Variants in KATNIP observed in about 807,000 individuals in gnomAD.
KATNIP encodes katanin-interacting protein.
In KATNIP, 126 loss-of-function variants were observed where a neutral mutation model predicts 174.0. That is an observed-to-expected ratio of 0.72 (90% confidence interval 0.63 to 0.84). The LOEUF (loss-of-function observed/expected upper bound fraction) is 0.84, where lower values mean the gene tolerates loss of function less well. KATNIP is among the 40% of genes least tolerant of loss of function. KATNIP has a pLI of 0.00. For synonymous variants in KATNIP, 810 were observed against 835.7 expected, an observed-to-expected ratio of 0.97 and a Z score of 0.53; for missense variants, 1,958 against 2,109.7, an observed-to-expected ratio of 0.93 and a Z score of 1.41.
intron 6 of KATNIP, among the ~76,000 whole-genome samples, chr16:27,669,699 T>A (rs897670914): frequency 1.3e-5 from 2 of 152,166 alleles, no homozygotes; most frequent in African/African-American, 4.8e-5. Flanking sequence ...GACAGATGGT[T>A]TAGATCACGT....
intron 5 of KATNIP, among the ~76,000 whole-genome samples, chr16:27,631,568 T>TG (rs985940633): frequency 1.4e-5 from 2 of 147,496 alleles, no homozygotes; most frequent in African/African-American, 5.0e-5. Context: ...AAACACCCTA[T>TG]GGGGAGTAGG....
Position 27,749,776 on chromosome 16 carries a change from C to T in KATNIP, c.2816C>T (p.Pro939Leu), listed in dbSNP as rs770147103. 1 of 1,610,038 alleles carries T rather than the reference C, an allele frequency of 6.2e-7. No homozygotes were observed. The highest frequency in any genetic ancestry group is 8.5e-7 in the Non-Finnish European group (1 of 1,177,622). ...AAGAGCAGCCGGCACAGCGACTTGCCCCCCTCCAAGAAGGGGGAGCAGCCA... is the reference window on the plus strand; with the variant it reads ...AAGAGCAGCCGGCACAGCGACTTGCTCCCCTCCAAGAAGGGGGAGCAGCCA... ...QQKSSRHSDL[P>L]PSKKGEQPGL... is the part of the protein sequence containing the mutation. Residue 939 changes from proline to leucine, a missense_variant, in exon 16 of 28, where the codon CCC becomes CTC. Physicochemically the swap from Pro to Leu is moderately conservative, Grantham distance 98 (BLOSUM62 -3). Around this residue, in one of 3 missense-constraint regions of KATNIP, gnomAD observed 1,557 missense variants for 1,617.8 expected, o/e 0.96. Coordinates refer to ENST00000261588, the MANE Select transcript of KATNIP (RefSeq NM_015202.5).
At chr16:27,675,431 T>C (rs2078079091) in intron 6 of KATNIP, among the ~76,000 whole-genome samples, 1 of 152,124 alleles carries the variant, frequency 6.6e-6, no homozygotes, top group Admixed American at 6.6e-5. Flanking sequence ...CATATCAAAA[T>C]TCCCATTTAA....
chr16:27,678,091 G>GGGTA (rs1379725682), intron 7 of KATNIP, 95 bp downstream of exon 7: 1 of 1,403,184 alleles, frequency 7.1e-7, no homozygotes, highest in Non-Finnish European at 9.8e-7. Context: ...GTTCCTCTTT[G>GGGTA]GGTAGAGTGT....
chr16:27,664,362 G>A (rs1391542777), intron 6 of KATNIP, among the ~76,000 whole-genome samples: 1 of 151,962 alleles, frequency 6.6e-6, no homozygotes, highest in African/African-American at 2.4e-5. Flanking sequence ...TCTCTTTTTG[G>A]TACAAAGTTC....
chr16:27,692,351 C>A (rs906871793), intron 8 of KATNIP, among the ~76,000 whole-genome samples: 2 of 152,146 alleles, frequency 1.3e-5, no homozygotes, highest in African/African-American at 2.4e-5. Context: ...TTCACAAATA[C>A]TTAGATTTAC....
At chr16:27,725,228 C>A (rs1393644599) in intron 14 of KATNIP, among the ~76,000 whole-genome samples, 2 of 152,222 alleles carry the variant, frequency 1.3e-5, no homozygotes, top group Non-Finnish European at 2.9e-5. Flanking sequence ...ACAAATGAAT[C>A]ATCTCAATTA....
In KATNIP at chr16:27,698,412, C is replaced by T. The variant is rs781017828; in HGVS notation, c.1025C>T (p.Ala342Val). 2.5e-6 allele frequency: 4 copies of T among 1,613,786 alleles called. No homozygotes were observed. Among genetic ancestry groups the T allele is most frequent in the African/African-American group, 1.3e-5 (1 of 75,072 alleles). The change falls in exon 9 of 28, where the codon GCT (alanine) becomes GTT (valine). Residue 342 changes from alanine to valine, a missense_variant. Coordinates refer to ENST00000261588, the MANE Select transcript of KATNIP (RefSeq NM_015202.5). ...EAEYPEEDASAVLQAIQVENA... is the reference protein window; with the variant it reads ...EAEYPEEDASVVLQAIQVENA... The stretch of plus-strand genomic sequence containing the variant: ...GAGTACCCAGAGGAAGATGCCTCTG[C>T]TGTGCTCCAAGCCATCCAGGTGGAG...
chr16:27,563,352 G>A (rs924515775), intron 1 of KATNIP, among the ~76,000 whole-genome samples: 1 of 152,108 alleles, frequency 6.6e-6, no homozygotes, highest in African/African-American at 2.4e-5. Context: ...TTGGGTCTAC[G>A]GAGCAGAAGA....
At chr16:27,622,290 G>T (rs542937893) in intron 3 of KATNIP, among the ~76,000 whole-genome samples, 3 of 152,276 alleles carry the variant, frequency 2.0e-5, no homozygotes, top group Admixed American at 6.5e-5. Flanking sequence ...GAAAGTGATT[G>T]TGTGCTCCAG....
chr16:27,550,195 C>T lies in KATNIP; in HGVS notation c.7+18C>T, dbSNP rs779636812. Reference sequence around the variant, plus strand: ...GATGGACGGTGAGTGTCTGTGGGCCCCTCCGGGAGGTCGGGCTGTTATTCT... The same window carrying T: ...GATGGACGGTGAGTGTCTGTGGGCCTCTCCGGGAGGTCGGGCTGTTATTCT... On this transcript the variant is annotated intron_variant, in intron 1 of 27. Coordinates refer to ENST00000261588, the MANE Select transcript of KATNIP (RefSeq NM_015202.5). The T allele has an allele frequency of 1.9e-6, 3 of 1,607,248 alleles. No individual in the cohort carries two copies. The highest frequency in any genetic ancestry group is 2.2e-5 in the South Asian group (2 of 90,850).
intron 6 of KATNIP, among the ~76,000 whole-genome samples, chr16:27,677,201 G>T (rs1211280878): frequency 6.6e-6 from 1 of 152,198 alleles, no homozygotes; most frequent in Non-Finnish European, 1.5e-5. Flanking sequence ...CCTGCAATAT[G>T]CAGGTCAGCC....
At chr16:27,655,889 T>A (rs566803008) in intron 6 of KATNIP, among the ~76,000 whole-genome samples, 1 of 152,292 alleles carries the variant, frequency 6.6e-6, no homozygotes, top group Non-Finnish European at 1.5e-5. Flanking sequence ...CAGTCTGTTG[T>A]GAATATTATT....
At chr16:27,600,787 T>G (rs996739016) in intron 2 of KATNIP, among the ~76,000 whole-genome samples, 33 of 151,246 alleles carry the variant, frequency 2.2e-4, no homozygotes, top group African/African-American at 8.0e-4. Context: ...AGGAGTGCAG[T>G]GGCGCAATCT....
chr16:27,757,774 C>T (rs558361540), intron 18 of KATNIP, among the ~76,000 whole-genome samples: 79 of 152,304 alleles, frequency 5.2e-4, no homozygotes, highest in African/African-American at 1.8e-3. Context: ...TTCACCACTC[C>T]GTGCAAGAGC....
At chr16:27,748,973 T>G (rs905784691) in intron 15 of KATNIP, among the ~76,000 whole-genome samples, 4 of 152,164 alleles carry the variant, frequency 2.6e-5, no homozygotes, top group Admixed American at 6.5e-5. Flanking sequence ...GGCTTTTTCC[T>G]TTTAACGTTC....
rs571479618 is a variant in KATNIP, at chr16:27,637,089, A to G, written c.408+5927A>G. Among the ~76,000 whole-genome samples the G allele has an allele frequency of 2.6e-5, 4 of 152,340 alleles. No homozygotes were observed. The South Asian group carries it at 8.3e-4, about 32-fold the overall frequency. ...TTGGTAATGGTAATTAATGAGGGCA[A>G]TTAATGAGGATCAGTGGGGTCTGTG... On this transcript the variant is annotated intron_variant, in intron 5 of 27. Coordinates refer to ENST00000261588, the MANE Select transcript of KATNIP (RefSeq NM_015202.5). The surrounding 1 kb of genome is among the most constrained non-coding windows in gnomAD (Gnocchi z 4.7).
chr16:27,740,823 C>T lies in KATNIP; in HGVS notation c.2526C>T (p.Asn842=). The T allele has an allele frequency of 6.2e-7, 1 of 1,613,870 alleles. No homozygotes were observed. Among genetic ancestry groups the T allele is most frequent in the Non-Finnish European group, 8.5e-7 (1 of 1,179,866 alleles). The change falls in exon 15 of 28, where the codon AAC becomes AAT. Residue 842 remains asparagine, a synonymous_variant. Transcript: ENST00000261588. ...ACAGTGATGACTCAGACATCTTTAA[C>T]CAGCCCCCCAACAGAGAGCGCCCTG... ...KVHSDDSDIF[N]QPPNRERPAS... is the part of the protein sequence containing the mutation.
intron 20 of KATNIP, among the ~76,000 whole-genome samples, chr16:27,767,177 A>T (rs1453703000): frequency 2.0e-5 from 3 of 152,136 alleles, no homozygotes; most frequent in Non-Finnish European, 4.4e-5. Context: ...CTAGGGCCCT[A>T]CTATCAGGAG....
Sources: allele counts gnomAD v4.1 joint callset (sites outside exome capture counted in the v4.1 genomes callset), GRCh38; gene constraint gnomAD v4.1.1; regional missense constraint gnomAD v4.1.1; non-coding constraint Gnocchi (gnomAD v3.1); transcripts MANE v1.5; gene names NCBI Gene and HGNC (gene_info 2026-07-23, HGNC 2026-07-21).